Variants in GALNTL6 observed in about 807,000 individuals in gnomAD.
The protein encoded by GALNTL6 is polypeptide N-acetylgalactosaminyltransferase-like 6.
A neutral mutation model predicts 73.7 loss-of-function variants in GALNTL6; 46 were observed. The observed-to-expected ratio is 0.62, with a 90% CI of 0.49 to 0.80. GALNTL6 has a LOEUF of 0.80. Among genes scored for constraint, GALNTL6 ranks in the 30% least tolerant of loss-of-function variants. The probability of loss-of-function intolerance (pLI) is 0.00; values close to 1 mark genes in which losing one functional copy is unlikely to be tolerated. For missense variants in GALNTL6, 604 were observed against 755.0 expected, an observed-to-expected ratio of 0.80 and a Z score of 2.34; for synonymous variants, 259 against 263.7, an observed-to-expected ratio of 0.98 and a Z score of 0.17.
At chr4:172,477,110 A>G (rs371656750) in intron 5 of GALNTL6, among the ~76,000 whole-genome samples, 1 of 151,556 alleles carries the variant, frequency 6.6e-6, no homozygotes, top group Non-Finnish European at 1.5e-5. Flanking sequence ...TATTTTTACT[A>G]GAGATGGGGT....
chr4:171,965,532 T>C (rs982861436), intron 2 of GALNTL6, among the ~76,000 whole-genome samples: 3 of 151,820 alleles, frequency 2.0e-5, no homozygotes, highest in African/African-American at 7.3e-5. Context: ...GGTGGGCACC[T>C]GTAATCCCAG....
chr4:172,796,384 AG>A (rs566343601), intron 5 of GALNTL6, among the ~76,000 whole-genome samples: 1 of 152,332 alleles, frequency 6.6e-6, no homozygotes, highest in African/African-American at 2.4e-5. Context: ...TTTGTAAGTA[AG>A]AATAATTTTC....
intron 5 of GALNTL6, among the ~76,000 whole-genome samples, chr4:172,664,551 A>G (rs1731558423): frequency 6.6e-6 from 1 of 152,204 alleles, no homozygotes; most frequent in African/African-American, 2.4e-5. Context: ...ATTTTGTCCA[A>G]TTAAAAAGAT....
chr4:172,187,854 G>A (rs1370523191), intron 2 of GALNTL6, among the ~76,000 whole-genome samples: 1 of 151,596 alleles, frequency 6.6e-6, no homozygotes, highest in Non-Finnish European at 1.5e-5. Flanking sequence ...GTCCTGTTTG[G>A]GTTACTTACA....
At chr4:172,725,503 A>G (rs1175715064) in intron 5 of GALNTL6, among the ~76,000 whole-genome samples, 1 of 152,216 alleles carries the variant, frequency 6.6e-6, no homozygotes, top group East Asian at 1.9e-4. Context: ...ATAACTGGAG[A>G]GACTCTTTAT....
At chr4:171,814,349 C>A in intron 1 of GALNTL6, 63 bp from the exon 2 acceptor site, 1 of 579,998 alleles carries the variant, frequency 1.7e-6, no homozygotes, top group East Asian at 2.9e-5. Flanking sequence ...TATTTCTAAG[C>A]CAATAGATAA....
chr4:172,184,155 C>T (rs988892570), intron 2 of GALNTL6, among the ~76,000 whole-genome samples: 2 of 152,162 alleles, frequency 1.3e-5, no homozygotes, highest in Non-Finnish European at 2.9e-5. Context: ...CTGCCCCTCT[C>T]TGAGAAAAGG....
chr4:171,895,977 T>C (rs957530187), intron 2 of GALNTL6, among the ~76,000 whole-genome samples: 8 of 150,222 alleles, frequency 5.3e-5, no homozygotes, highest in Non-Finnish European at 1.2e-4. Flanking sequence ...GAGGAACAAG[T>C]CAGTAAACCT....
intron 5 of GALNTL6, among the ~76,000 whole-genome samples, chr4:172,464,497 C>A (rs1194277144): frequency 6.6e-6 from 1 of 152,002 alleles, no homozygotes; most frequent in East Asian, 1.9e-4. Context: ...CACCTGAGGT[C>A]AGGAGTTCAA....
intron 2 of GALNTL6, among the ~76,000 whole-genome samples, chr4:172,022,463 C>A (rs1335904522): frequency 6.6e-6 from 1 of 151,988 alleles, no homozygotes; most frequent in Non-Finnish European, 1.5e-5. Context: ...AAAAACTATA[C>A]CAGTGGCAAT....
intron 2 of GALNTL6, among the ~76,000 whole-genome samples, chr4:171,840,987 C>T (rs1341888021): frequency 1.3e-5 from 2 of 152,182 alleles, no homozygotes; most frequent in African/African-American, 2.4e-5. Context: ...CATCAGCCCA[C>T]ATCATGTTTC....
intron 2 of GALNTL6, among the ~76,000 whole-genome samples, chr4:172,021,613 A>G (rs893412653): frequency 4.1e-4 from 62 of 152,212 alleles, no homozygotes; most frequent in African/African-American, 1.4e-3. Flanking sequence ...ATATGGAACC[A>G]TAAAGACTCA....
At chr4:172,776,772 C>G (rs1739097095) in intron 5 of GALNTL6, among the ~76,000 whole-genome samples, 1 of 152,166 alleles carries the variant, frequency 6.6e-6, no homozygotes, top group African/African-American at 2.4e-5. Flanking sequence ...ATTGTTTCCT[C>G]TGTTACTTTT....
intron 9 of GALNTL6, among the ~76,000 whole-genome samples, chr4:172,949,169 A>G (rs1749316274): frequency 6.6e-6 from 1 of 152,194 alleles, no homozygotes; most frequent in African/African-American, 2.4e-5. Context: ...ATTTCATCAT[A>G]TGGTCTTTCA....
rs1201128530 is a variant in GALNTL6 at position 172,069,484 on chromosome 4, A to ATATGTTATATGTATG, written c.139-160172_139-160171insTATGTTATATGTATG. ...CACATATAACATATATGTTATATAT[A>ATATGTTATATGTATG]ACACATATGTTATATGTATAACACA... On this transcript the variant is annotated intron_variant, in intron 2 of 12. Coordinates refer to ENST00000506823, the MANE Select transcript of GALNTL6 (RefSeq NM_001034845.3). Among the ~76,000 whole-genome samples the ATATGTTATATGTATG allele has an allele frequency of 3.7e-4, 11 of 29,692 alleles. 2 individuals carry two copies. Among genetic ancestry groups the ATATGTTATATGTATG allele is most frequent in the Non-Finnish European group, 5.9e-4 (5 of 8,420 alleles). 19.5% of individuals were successfully genotyped at this position (29,692 alleles called of 152,430 possible).
chr4:172,683,250 C>T (rs1040201293), intron 5 of GALNTL6, among the ~76,000 whole-genome samples: 2 of 152,152 alleles, frequency 1.3e-5, no homozygotes, highest in African/African-American at 4.8e-5. Context: ...TTTCTTGGAT[C>T]ATTGTAGTCA....
At chr4:172,068,113 A>T (rs1397086870) in intron 2 of GALNTL6, among the ~76,000 whole-genome samples, 1 of 108,220 alleles carries the variant, frequency 9.2e-6, no homozygotes, top group East Asian at 2.1e-4. Context: ...CTCAGGGTGA[A>T]ACAATTACCA....
chr4:171,870,257 C>G (rs1371185090), intron 2 of GALNTL6, among the ~76,000 whole-genome samples: 1 of 152,154 alleles, frequency 6.6e-6, no homozygotes, highest in Non-Finnish European at 1.5e-5. Context: ...CTGGAAGTTT[C>G]ATGAATGATG....
intron 3 of GALNTL6, among the ~76,000 whole-genome samples, chr4:172,241,588 A>T: frequency 6.6e-6 from 1 of 152,204 alleles, no homozygotes; most frequent in East Asian, 1.9e-4. Context: ...TGGCCAAACC[A>T]ATGTATTGGT....
Sources: allele counts gnomAD v4.1 joint callset (sites outside exome capture counted in the v4.1 genomes callset), GRCh38; gene constraint gnomAD v4.1.1; transcripts MANE v1.5; gene names NCBI Gene and HGNC (gene_info 2026-07-23, HGNC 2026-07-21).